The following ZFHX3 variants were observed in gnomAD, a reference collection of about 807,000 sequenced individuals.
The protein encoded by ZFHX3 is zinc finger homeobox protein 3.
Under a neutral mutation model 279.1 loss-of-function variants are expected in ZFHX3, and 42 were observed. The observed-to-expected ratio is 0.15, with a 90% CI of 0.12 to 0.19. ZFHX3 has a LOEUF of 0.19. Among genes scored for constraint, ZFHX3 ranks in the 10% least tolerant of loss-of-function variants. The probability of loss-of-function intolerance (pLI) is 1.00; values close to 1 mark genes in which losing one functional copy is unlikely to be tolerated. For synonymous variants in ZFHX3, 2,293 were observed against 1,957.8 expected (o/e 1.17, Z -4.52); for missense variants, 4,981 against 4,754.0 (o/e 1.05, Z -1.40).
chr16:73,055,779 T>C (rs933609331), intron 1 of ZFHX3, among the ~76,000 whole-genome samples: 2 of 148,452 alleles, frequency 1.3e-5, no homozygotes, highest in African/African-American at 5.0e-5. Flanking sequence ...ACCCCAGTTT[T>C]CTTGGCCCAC....
chr16:73,646,878 C>G (rs1345658511), intron 2 of ZFHX3, among the ~76,000 whole-genome samples: 1 of 152,114 alleles, frequency 6.6e-6, no homozygotes, highest in Non-Finnish European at 1.5e-5. Context: ...GAGCTCGTCT[C>G]AGAGGGATTG....
At chr16:73,015,383 A>G (rs1597093652) in intron 1 of ZFHX3, 1 of 152,314 alleles carries the variant, frequency 6.6e-6, no homozygotes, top group East Asian at 1.9e-4. Context: ...TCAGTGGAGT[A>G]TCTTAGCATT....
intron 2 of ZFHX3, among the ~76,000 whole-genome samples, chr16:73,623,180 G>A (rs2052382188): frequency 6.6e-6 from 1 of 152,036 alleles, no homozygotes; most frequent in African/African-American, 2.4e-5. Flanking sequence ...GGGACTACAG[G>A]CGCCCGCCAC....
chr16:73,691,297 C>A (rs534667343), intron 1 of ZFHX3, among the ~76,000 whole-genome samples: 1 of 151,824 alleles, frequency 6.6e-6, no homozygotes, highest in Non-Finnish European at 1.5e-5. Flanking sequence ...TCCTCTACAA[C>A]GGAATAAAAA....
intron 5 of ZFHX3, among the ~76,000 whole-genome samples, chr16:73,155,620 C>T (rs1967058482): frequency 6.6e-6 from 1 of 151,932 alleles, no homozygotes; most frequent in South Asian, 2.1e-4. Flanking sequence ...GTCAGGAGTT[C>T]CAGACCAGCC....
intron 3 of ZFHX3, among the ~76,000 whole-genome samples, chr16:73,350,802 C>T (rs1280070658): frequency 6.6e-6 from 1 of 152,182 alleles, no homozygotes; most frequent in African/African-American, 2.4e-5. Flanking sequence ...TGAGAGTCTG[C>T]AAGCCAAAGA....
intron 2 of ZFHX3, among the ~76,000 whole-genome samples, chr16:73,468,313 C>A (rs7197760): frequency 0.16 from 23,815 of 152,190 alleles, 2,116 homozygotes; most frequent in South Asian, 0.26. Context: ...AAGGGGGCAA[C>A]AGCATGCACA....
Position 72,973,445 on chromosome 16 carries a change from CATCTCTGCATTCTG to C in ZFHX3, c.-49-13265_-49-13252del, listed in dbSNP as rs1814536880. 1.3e-5 allele frequency: 2 copies of C among 152,284 alleles called. 1 individual carries two copies. Among genetic ancestry groups the C allele is most frequent in the Non-Finnish European group, 2.9e-5 (2 of 68,066 alleles). 9.4% of individuals were successfully genotyped at this position (152,284 alleles called of 1,614,324 possible). A position where few individuals can be genotyped will look rare whatever the true frequency, so the allele number is the denominator to read the frequency against. On this transcript the variant is annotated intron_variant, in intron 1 of 9. Coordinates refer to ENST00000268489, the MANE Select transcript of ZFHX3 (RefSeq NM_006885.4). Reference sequence around the variant, plus strand: ...CCCTCCAACTAGGATTCCTCCCCATCATCTCTGCATTCTGATGCATTATCAACTCTGTTCCCACA... The same window carrying C: ...CCCTCCAACTAGGATTCCTCCCCATCATGCATTATCAACTCTGTTCCCACA...
At chr16:73,605,363 T>A (rs1380646485) in intron 2 of ZFHX3, among the ~76,000 whole-genome samples, 1 of 152,154 alleles carries the variant, frequency 6.6e-6, no homozygotes, top group Non-Finnish European at 1.5e-5. Context: ...GAAAACACTA[T>A]CTCTGGGATC....
intron 2 of ZFHX3, among the ~76,000 whole-genome samples, chr16:73,463,248 A>G (rs1206050399): frequency 6.6e-6 from 1 of 152,234 alleles, no homozygotes; most frequent in Admixed American, 6.5e-5. Context: ...TTGTTATTTC[A>G]TGTAAGTAAT....
At chr16:73,480,963 G>A (rs1597352186) in intron 2 of ZFHX3, among the ~76,000 whole-genome samples, 2 of 152,322 alleles carry the variant, frequency 1.3e-5, no homozygotes, top group African/African-American at 4.8e-5. Context: ...AGTGGCCTCT[G>A]CAAAGACACG....
At chr16:73,710,975 G>A (rs537589094) in intron 1 of ZFHX3, among the ~76,000 whole-genome samples, 1 of 152,320 alleles carries the variant, frequency 6.6e-6, no homozygotes, top group African/African-American at 2.4e-5. Flanking sequence ...GGGACTGGCT[G>A]TAAATTACTG....
rs1184884499 is a variant in ZFHX3, at chr16:73,734,849, T to C, written c.-1607-54609A>G. Among the ~76,000 whole-genome samples, 3 of 152,238 alleles carry C rather than the reference T, an allele frequency of 2.0e-5. No individual in the cohort carries two copies. The East Asian group carries it at 5.8e-4, about 29-fold the overall frequency. On this transcript the variant is annotated intron_variant, in intron 1 of 17. Transcript: ENST00000641206. ...AATATGTACAAAGAATAATTTATTCTGTGCATGTTATCTTTAAACATCTAC... is the reference window on the plus strand; with the variant it reads ...AATATGTACAAAGAATAATTTATTCCGTGCATGTTATCTTTAAACATCTAC...
intron 2 of ZFHX3, among the ~76,000 whole-genome samples, chr16:73,552,759 T>G (rs1487762929): frequency 1.3e-5 from 2 of 152,220 alleles, no homozygotes; most frequent in African/African-American, 4.8e-5. Flanking sequence ...CTGTTTGTCA[T>G]GCTGCATTTA....
chr16:73,425,130 G>A (rs1388582476), intron 3 of ZFHX3, among the ~76,000 whole-genome samples: 1 of 152,186 alleles, frequency 6.6e-6, no homozygotes, highest in East Asian at 1.9e-4. Flanking sequence ...TGATCAGCAA[G>A]TACTTCTTGA....
At chr16:73,467,747 A>G (rs1183243415) in intron 2 of ZFHX3, among the ~76,000 whole-genome samples, 1 of 152,200 alleles carries the variant, frequency 6.6e-6, no homozygotes, top group Admixed American at 6.5e-5. Context: ...CAAGATCATC[A>G]ACCCTCGTCC....
chr16:73,877,680 C>T (rs2029998361), intron 1 of ZFHX3, among the ~76,000 whole-genome samples: 1 of 151,892 alleles, frequency 6.6e-6, no homozygotes, highest in African/African-American at 2.4e-5. Context: ...AATATTATTA[C>T]CAAATGACTA....
chr16:73,269,789 C>T (rs1227629051), intron 4 of ZFHX3, among the ~76,000 whole-genome samples: 2 of 151,770 alleles, frequency 1.3e-5, no homozygotes, highest in African/African-American at 2.4e-5. Context: ...CACTCTGTCA[C>T]CCAGGCTGGA....
chr16:73,871,004 A>G (rs946718226), intron 1 of ZFHX3, among the ~76,000 whole-genome samples: 4 of 152,192 alleles, frequency 2.6e-5, no homozygotes, highest in African/African-American at 7.2e-5. Flanking sequence ...ACCATATCGT[A>G]TGTACCAGGG....
Sources: gnomAD v4.1 joint callset for allele counts (sites outside exome capture counted in the v4.1 genomes callset) on GRCh38, gnomAD v4.1.1 for gene constraint, MANE v1.5 for transcripts, NCBI Gene and HGNC (gene_info 2026-07-23, HGNC 2026-07-21) for gene names.